STOX2: variants seen among roughly 807,000 people sequenced by gnomAD.
The protein encoded by STOX2 is storkhead box 2, also known as storkhead-box protein 2.
In STOX2, 28 loss-of-function variants were observed where a neutral mutation model predicts 60.9. That is an observed-to-expected ratio of 0.46 (90% CI 0.34 to 0.63). The LOEUF is 0.63. Ranked by LOEUF, STOX2 falls within the 30% of genes least tolerant of loss-of-function variation. STOX2 has a pLI of 0.01. For synonymous variants in STOX2, 472 were observed against 463.9 expected, an observed-to-expected ratio of 1.02 and a Z score of -0.22; for missense variants, 1,024 against 1,187.7, an observed-to-expected ratio of 0.86 and a Z score of 2.03.
At chr4:183,810,983 G>A (rs752197024) in intron 1 of STOX2, among the ~76,000 whole-genome samples, 21 of 152,076 alleles carry the variant, frequency 1.4e-4, no homozygotes, top group Non-Finnish European at 2.1e-4. Context: ...ACAGCACGTC[G>A]GGGGTGGTGG....
chr4:183,800,341 G>T (rs1038269898), intron 1 of STOX2, among the ~76,000 whole-genome samples: 2 of 152,092 alleles, frequency 1.3e-5, no homozygotes, highest in African/African-American at 2.4e-5. Context: ...TGATATGGGG[G>T]ATCCTGGCTG....
intron 1 of STOX2, among the ~76,000 whole-genome samples, chr4:183,997,926 A>G (rs1277194298): frequency 1.3e-5 from 2 of 152,234 alleles, no homozygotes; most frequent in East Asian, 3.8e-4. Context: ...CAATGAATGA[A>G]AAGAAATTAA....
intron 1 of STOX2, among the ~76,000 whole-genome samples, chr4:183,968,069 A>T (rs1214217714): frequency 6.6e-6 from 1 of 152,216 alleles, no homozygotes; most frequent in African/African-American, 2.4e-5. Flanking sequence ...AACTCTGAAC[A>T]TCACAAAGGG....
chr4:183,903,778 C>A (rs1200099233), upstream of STOX2, among the ~76,000 whole-genome samples: 1 of 152,150 alleles, frequency 6.6e-6, no homozygotes, highest in East Asian at 1.9e-4. Flanking sequence ...TCCTTTACAC[C>A]AGCGGCCCCC....
In STOX2 at chr4:184,011,434, G is replaced by T. The variant is rs1734169785; in HGVS notation, c.2585+11G>T. The T allele has an allele frequency of 4.4e-6, 7 of 1,605,924 alleles. No individual in the cohort carries two copies. The highest frequency in any genetic ancestry group is 6.0e-6 in the Non-Finnish European group (7 of 1,175,888). ...ATTCAACTCCCCACGGTAGGGAGAG[G>T]TGTCTCTGTGCACACACATGCGCCT... is the stretch of plus-strand genomic sequence containing the variant. On this transcript the variant is annotated intron_variant, in intron 3 of 3. Coordinates refer to ENST00000308497, the MANE Select transcript of STOX2 (RefSeq NM_020225.3). The surrounding 1 kb of genome is among the most constrained non-coding windows in gnomAD (Gnocchi z 4.4).
At chr4:183,814,986 A>G (rs1739118025) in intron 1 of STOX2, among the ~76,000 whole-genome samples, 2 of 151,896 alleles carry the variant, frequency 1.3e-5, no homozygotes, top group African/African-American at 4.8e-5. Flanking sequence ...TTTGGGGGGA[A>G]TATTTTATTT....
rs117230787 is a variant in STOX2 at position 183,843,607 on chromosome 4, C to T, written c.364+45552C>T. Reference sequence around the variant, plus strand: ...AAGCAGCCAGGGACATTATGGAAATCGCATGAGCGTGGCTGTGTTCCAGTA... The same window carrying T: ...AAGCAGCCAGGGACATTATGGAAATTGCATGAGCGTGGCTGTGTTCCAGTA... On this transcript the variant is annotated intron_variant, in intron 1 of 2. Coordinates refer to the STOX2 transcript ENST00000513034. Among the ~76,000 whole-genome samples the T allele has an allele frequency of 1.6e-4, 25 of 152,316 alleles. No individual in the cohort carries two copies. In the East Asian group the frequency reaches 4.4e-3, roughly 27 times the overall value.
intron 1 of STOX2, among the ~76,000 whole-genome samples, chr4:183,847,751 AG>A (rs1225152689): frequency 6.6e-6 from 1 of 152,204 alleles, no homozygotes; most frequent in Non-Finnish European, 1.5e-5. Flanking sequence ...ACCTGTGACC[AG>A]TTCCAGAGTT....
At chr4:183,876,133 T>A (rs1420240954) in intron 1 of STOX2, among the ~76,000 whole-genome samples, 1 of 152,078 alleles carries the variant, frequency 6.6e-6, no homozygotes, top group Non-Finnish European at 1.5e-5. Flanking sequence ...GATCTCTTGA[T>A]GACCCAAGCT....
chr4:183,951,171 C>T (rs183867303), intron 1 of STOX2, among the ~76,000 whole-genome samples: 6,207 of 149,052 alleles, frequency 0.042, 276 homozygotes, highest in East Asian at 0.13. Context: ...GCCGAGATCG[C>T]GCCACTGCAC....
intron 1 of STOX2, among the ~76,000 whole-genome samples, chr4:183,867,708 G>A (rs540181801): frequency 3.3e-5 from 5 of 152,252 alleles, no homozygotes; most frequent in South Asian, 2.1e-4. Context: ...AATTCTTGGC[G>A]TGTGCAATCA....
intron 1 of STOX2, among the ~76,000 whole-genome samples, chr4:183,802,607 A>G (rs1295856849): frequency 4.3e-5 from 4 of 93,372 alleles, no homozygotes; most frequent in African/African-American, 1.4e-4. Context: ...GTATTAGTCC[A>G]TTTTTCTTTT....
intron 1 of STOX2, among the ~76,000 whole-genome samples, chr4:183,813,133 C>T (rs1168295110): frequency 1.3e-5 from 2 of 152,134 alleles, no homozygotes; most frequent in Non-Finnish European, 2.9e-5. Context: ...CCTGTAATCC[C>T]AGCACTTTGG....
chr4:183,903,248 C>G (rs145469217), upstream of STOX2, among the ~76,000 whole-genome samples: 31 of 152,312 alleles, frequency 2.0e-4, no homozygotes, highest in Admixed American at 1.2e-3. Flanking sequence ...AAACCTCCCT[C>G]TTACTGTGCT....
chr4:183,887,521 T>C (rs1202532136), intron 1 of STOX2, among the ~76,000 whole-genome samples: 3 of 152,196 alleles, frequency 2.0e-5, no homozygotes, highest in Non-Finnish European at 4.4e-5. Flanking sequence ...TCCCTACTAA[T>C]GAAGGACACT....
chr4:183,930,549 A>G (rs1742393744), intron 1 of STOX2, among the ~76,000 whole-genome samples: 1 of 145,244 alleles, frequency 6.9e-6, no homozygotes, highest in Non-Finnish European at 1.5e-5. Flanking sequence ...CTAGAGACGG[A>G]GTCTCATTAT....
Position 184,010,924 on chromosome 4 carries a change from G to A in STOX2, c.2086G>A (p.Glu696Lys). ...AEPSSLDKRK[E>K]IFSKDTLFKP... is the part of the protein sequence containing the mutation. ...GCCCAGCAGCTTGGACAAGAGGAAA[G>A]AGATATTTAGCAAAGACACACTGTT... Residue 696 changes from glutamate (E) to lysine (K), a missense_variant, in exon 3 of 4, where the codon GAG becomes AAG. Around this residue, in one of 3 missense-constraint regions of STOX2, gnomAD observed 922 missense variants for 1,058.3 expected, o/e 0.87. Transcript: ENST00000308497. The surrounding 1 kb of genome is among the most constrained non-coding windows in gnomAD (Gnocchi z 4.5). 1 of 1,613,490 alleles carries A rather than the reference G, an allele frequency of 6.2e-7. No individual in the cohort carries two copies. Among genetic ancestry groups the A allele is most frequent in the Non-Finnish European group, 8.5e-7 (1 of 1,179,652 alleles).
intron 1 of STOX2, among the ~76,000 whole-genome samples, chr4:183,893,279 G>A (rs903942203): frequency 1.3e-5 from 2 of 152,202 alleles, no homozygotes; most frequent in African/African-American, 4.8e-5. Flanking sequence ...CGGTACAGAA[G>A]TGATCACGTG....
intron 1 of STOX2, among the ~76,000 whole-genome samples, chr4:183,999,629 T>G (rs994920824): frequency 6.6e-6 from 1 of 152,196 alleles, no homozygotes; most frequent in African/African-American, 2.4e-5. Flanking sequence ...GCCTGAGCCT[T>G]GGGCACTGGA....
Sources: allele counts gnomAD v4.1 joint callset (sites outside exome capture counted in the v4.1 genomes callset), GRCh38; gene constraint gnomAD v4.1.1; regional missense constraint gnomAD v4.1.1; non-coding constraint Gnocchi (gnomAD v3.1); transcripts MANE v1.5; gene names NCBI Gene and HGNC (gene_info 2026-07-23, HGNC 2026-07-21).